Variants in EPS15 observed in about 807,000 individuals in gnomAD.
EPS15 encodes the protein epidermal growth factor receptor pathway substrate 15.
A neutral mutation model predicts 113.8 loss-of-function variants in EPS15; 72 were observed. The observed-to-expected ratio is 0.63, with a 90% CI of 0.52 to 0.77. EPS15 has a LOEUF of 0.77. Ranked by LOEUF, EPS15 falls within the 30% of genes least tolerant of loss-of-function variation. The pLI is 0.00. For missense variants in EPS15, 1,048 were observed against 1,045.8 expected, an observed-to-expected ratio of 1.00 and a Z score of -0.03; for synonymous variants, 344 against 363.4, an observed-to-expected ratio of 0.95 and a Z score of 0.61.
intron 13 of EPS15, among the ~76,000 whole-genome samples, chr1:51,416,738 AAAGTTAT>A: frequency 1.3e-5 from 2 of 152,152 alleles, no homozygotes; most frequent in South Asian, 4.1e-4. Flanking sequence ...AGTTACTTTA[AAAGTTAT>A]CTGAAAAGTT....
chr1:51,486,428 A>C (rs1357710181), intron 1 of EPS15, among the ~76,000 whole-genome samples: 6 of 1,540 alleles, frequency 3.9e-3, no homozygotes, highest in Admixed American at 0.021. Flanking sequence ...TGCATCTCAA[A>C]AAAAAAAAAA....
intron 21 of EPS15, among the ~76,000 whole-genome samples, chr1:51,378,216 A>T (rs1234664245): frequency 1.4e-5 from 2 of 140,156 alleles, no homozygotes; most frequent in East Asian, 1.9e-4. Context: ...TTTTTTTTTT[A>T]AAGCAATGAA....
chr1:51,458,735 T>TAAAA, intron 8 of EPS15: 2 of 185,790 alleles, frequency 1.1e-5, no homozygotes, highest in South Asian at 5.7e-5. Context: ...AGACTCCGTC[T>TAAAA]AAAAAAAAAA....
intron 12 of EPS15, among the ~76,000 whole-genome samples, chr1:51,438,979 C>A (rs994202585): frequency 6.6e-6 from 1 of 151,918 alleles, no homozygotes; most frequent in African/African-American, 2.4e-5. Context: ...AGGAAAAGGC[C>A]AATAAGCCAA....
intron 1 of EPS15, among the ~76,000 whole-genome samples, chr1:51,506,076 G>A (rs1046621991): frequency 5.9e-5 from 9 of 152,046 alleles, no homozygotes; most frequent in Admixed American, 2.6e-4. Flanking sequence ...TAGCAGAGGC[G>A]GAGTTTCACC....
At chr1:51,429,936 C>G (rs1395484062) in intron 12 of EPS15, among the ~76,000 whole-genome samples, 1 of 152,160 alleles carries the variant, frequency 6.6e-6, no homozygotes, top group Non-Finnish European at 1.5e-5. Context: ...CAGGTGTGAG[C>G]CATCGTGCCC....
intron 8 of EPS15, among the ~76,000 whole-genome samples, chr1:51,452,344 G>C (rs571789188): frequency 1.3e-5 from 2 of 152,070 alleles, no homozygotes; most frequent in African/African-American, 4.8e-5. Context: ...ATGCAGTGGC[G>C]AGAACACAGC....
intron 12 of EPS15, among the ~76,000 whole-genome samples, chr1:51,434,255 G>A (rs1651960126): frequency 6.6e-6 from 1 of 152,176 alleles, no homozygotes; most frequent in Non-Finnish European, 1.5e-5. Flanking sequence ...CATGTTCATA[G>A]CAGCGTTATT....
chr1:51,448,839 CT>C (rs1653293477), intron 8 of EPS15, among the ~76,000 whole-genome samples: 1 of 152,186 alleles, frequency 6.6e-6, no homozygotes, highest in African/African-American at 2.4e-5. Context: ...TGCCCTCCTT[CT>C]ATATGCCTAA....
chr1:51,454,065 A>G (rs1316164970), intron 8 of EPS15, among the ~76,000 whole-genome samples: 1 of 151,740 alleles, frequency 6.6e-6, no homozygotes, highest in African/African-American at 2.4e-5. Flanking sequence ...AAAAAAAAAA[A>G]AAAAAAAGGG....
intron 1 of EPS15, among the ~76,000 whole-genome samples, chr1:51,482,889 G>C (rs1265079685): frequency 6.6e-6 from 1 of 152,088 alleles, no homozygotes; most frequent in Non-Finnish European, 1.5e-5. Flanking sequence ...GGGTGAGGGG[G>C]AAGGAAAGCA....
At chr1:51,377,684 G>T (rs1306078843) in intron 21 of EPS15, among the ~76,000 whole-genome samples, 1 of 152,136 alleles carries the variant, frequency 6.6e-6, no homozygotes, top group South Asian at 2.1e-4. Flanking sequence ...TGGGTAAAAG[G>T]CTATCGAACA....
chr1:51,409,948 A>T (rs1299512895), intron 13 of EPS15, among the ~76,000 whole-genome samples: 1 of 151,966 alleles, frequency 6.6e-6, no homozygotes, highest in African/African-American at 2.4e-5. Flanking sequence ...CATGTTGAAA[A>T]TAGAACTCCT....
chr1:51,451,490 CAAAAAAA>C (rs56091976), intron 8 of EPS15, among the ~76,000 whole-genome samples: 3 of 50,816 alleles, frequency 5.9e-5, no homozygotes, highest in Admixed American at 2.2e-4. Context: ...GACTCCATCT[CAAAAAAA>C]AAAAAAAAAA....
At chr1:51,424,231 T>A (rs998837815) in intron 12 of EPS15, among the ~76,000 whole-genome samples, 1 of 152,212 alleles carries the variant, frequency 6.6e-6, no homozygotes, top group African/African-American at 2.4e-5. Context: ...GTCCTGTATA[T>A]CAGACTGAAA....
At chr1:51,449,556 T>C (rs920808521) in intron 8 of EPS15, among the ~76,000 whole-genome samples, 3 of 149,380 alleles carry the variant, frequency 2.0e-5, no homozygotes, top group African/African-American at 2.6e-5. Flanking sequence ...CCTGTACATG[T>C]ACCCCTGAAC....
chr1:51,470,208 T>A (rs77150703), intron 4 of EPS15, among the ~76,000 whole-genome samples: 1 of 152,178 alleles, frequency 6.6e-6, no homozygotes, highest in African/African-American at 2.4e-5. Context: ...AACCCTTCCA[T>A]AATAGGGGGG....
At chr1:51,483,163 A>C (rs529175023) in intron 1 of EPS15, among the ~76,000 whole-genome samples, 281 of 152,156 alleles carry the variant, frequency 1.8e-3, no homozygotes, top group African/African-American at 6.7e-3. Flanking sequence ...TTAGTCACTT[A>C]GTAGCCGACT....
At chr1:51,359,198 C>T (rs1646317183) in intron 24 of EPS15, among the ~76,000 whole-genome samples, 1 of 152,156 alleles carries the variant, frequency 6.6e-6, no homozygotes, top group South Asian at 2.1e-4. Flanking sequence ...GTAATCCCAT[C>T]ACTTTGGGAG....
Sources: gnomAD v4.1 joint callset for allele counts (sites outside exome capture counted in the v4.1 genomes callset) on GRCh38, gnomAD v4.1.1 for gene constraint, MANE v1.5 for transcripts, NCBI Gene and HGNC (gene_info 2026-07-23, HGNC 2026-07-21) for gene names.